SPOCK1: variants seen among roughly 807,000 people sequenced by gnomAD.
SPOCK1 encodes SPARC (osteonectin), cwcv and kazal like domains proteoglycan 1, also known as testican-1.
Under a neutral mutation model 55.3 loss-of-function variants are expected in SPOCK1, and 23 were observed. That is an observed-to-expected ratio of 0.42 (90% CI 0.30 to 0.59). The LOEUF (loss-of-function observed/expected upper bound fraction) is 0.59, where lower values mean the gene tolerates loss of function less well. Ranked by LOEUF, SPOCK1 falls within the 20% of genes least tolerant of loss-of-function variation. The pLI is 0.22. For synonymous variants in SPOCK1, 226 were observed against 221.0 expected, an observed-to-expected ratio of 1.02 and a Z score of -0.20; for missense variants, 499 against 552.5, an observed-to-expected ratio of 0.90 and a Z score of 0.97.
At chr5:137,403,431 CA>C (rs1428757167) in intron 2 of SPOCK1, among the ~76,000 whole-genome samples, 1 of 152,050 alleles carries the variant, frequency 6.6e-6, no homozygotes, top group East Asian at 1.9e-4. Context: ...GGTAAACAAA[CA>C]AACAAAAAAA....
At chr5:137,289,665 G>C (rs1032793641) in intron 2 of SPOCK1, among the ~76,000 whole-genome samples, 1 of 151,978 alleles carries the variant, frequency 6.6e-6, no homozygotes, top group African/African-American at 2.4e-5. Context: ...ATGCATACGG[G>C]AATGAGCATG....
At chr5:137,420,748 C>A (rs1209616874) in intron 2 of SPOCK1, among the ~76,000 whole-genome samples, 1 of 152,250 alleles carries the variant, frequency 6.6e-6, no homozygotes, top group African/African-American at 2.4e-5. Context: ...AAAAAACCAG[C>A]TCCTGGGTTC....
At chr5:137,409,940 A>G (rs533986728) in intron 2 of SPOCK1, among the ~76,000 whole-genome samples, 1 of 152,324 alleles carries the variant, frequency 6.6e-6, no homozygotes, top group South Asian at 2.1e-4. Context: ...CCTATGCTTC[A>G]GGCCAGGGCT....
chr5:137,317,464 A>G (rs1207396430), intron 2 of SPOCK1, among the ~76,000 whole-genome samples: 1 of 152,170 alleles, frequency 6.6e-6, no homozygotes, highest in African/African-American at 2.4e-5. Flanking sequence ...GCTTCAGCAG[A>G]TCAGGAATAG....
At chr5:137,495,993 T>C (rs1754291255) in intron 2 of SPOCK1, among the ~76,000 whole-genome samples, 1 of 152,184 alleles carries the variant, frequency 6.6e-6, no homozygotes, top group African/African-American at 2.4e-5. Context: ...AAATATATGC[T>C]GCTAAAAATA....
intron 5 of SPOCK1, among the ~76,000 whole-genome samples, chr5:137,107,013 T>C (rs904745360): frequency 3.3e-5 from 5 of 152,144 alleles, no homozygotes; most frequent in African/African-American, 9.7e-5. Flanking sequence ...GTTGACTCTT[T>C]CCAGCCTTAA....
intron 2 of SPOCK1, among the ~76,000 whole-genome samples, chr5:137,362,608 A>G (rs965564330): frequency 6.6e-5 from 10 of 152,046 alleles, no homozygotes; most frequent in African/African-American, 2.4e-4. Context: ...GATTATAGGC[A>G]TGAGCCACCG....
intron 2 of SPOCK1, among the ~76,000 whole-genome samples, chr5:137,398,004 G>A (rs549982036): frequency 6.6e-6 from 1 of 152,210 alleles, no homozygotes; most frequent in South Asian, 2.1e-4. Context: ...TGAACTACTA[G>A]GATGGCGATG....
chr5:137,195,909 T>C (rs753637671), intron 3 of SPOCK1, among the ~76,000 whole-genome samples: 1 of 152,182 alleles, frequency 6.6e-6, no homozygotes, highest in Non-Finnish European at 1.5e-5. Flanking sequence ...ACAAGTCTCT[T>C]AGAGCTACTG....
At chr5:137,437,174 A>T (rs1334321372) in intron 2 of SPOCK1, among the ~76,000 whole-genome samples, 1 of 152,068 alleles carries the variant, frequency 6.6e-6, no homozygotes, top group Non-Finnish European at 1.5e-5. Context: ...CTTTCCCGCC[A>T]CTCCTCATCC....
At chr5:137,481,882 C>G (rs934664566) in intron 2 of SPOCK1, among the ~76,000 whole-genome samples, 1 of 152,170 alleles carries the variant, frequency 6.6e-6, no homozygotes, top group Admixed American at 6.5e-5. Context: ...TAACTCAAGA[C>G]TGGAAAGGAG....
chr5:137,365,106 A>C (rs1751029241), intron 2 of SPOCK1: 1 of 152,494 alleles, frequency 6.6e-6, no homozygotes, highest in Middle Eastern at 3.4e-3. Context: ...TGTGGGATGC[A>C]TCTGCAGAAC....
intron 6 of SPOCK1, among the ~76,000 whole-genome samples, chr5:137,066,643 A>G (rs899096939): frequency 6.6e-6 from 1 of 152,208 alleles, no homozygotes; most frequent in African/African-American, 2.4e-5. Context: ...AACTTTTCTT[A>G]CTGCATTTAT....
At chr5:137,182,436 A>T (rs1754988434) in intron 3 of SPOCK1, among the ~76,000 whole-genome samples, 1 of 152,196 alleles carries the variant, frequency 6.6e-6, no homozygotes. Context: ...TGGTTATTCA[A>T]CAAATATTTG....
chr5:137,211,878 C>T (rs919343570), intron 3 of SPOCK1, among the ~76,000 whole-genome samples: 3 of 152,176 alleles, frequency 2.0e-5, no homozygotes, highest in Non-Finnish European at 2.9e-5. Flanking sequence ...CCGCCCCCTG[C>T]CACACACCTT....
intron 6 of SPOCK1, among the ~76,000 whole-genome samples, chr5:137,064,725 C>T (rs1752463873): frequency 6.6e-6 from 1 of 152,206 alleles, no homozygotes; most frequent in Non-Finnish European, 1.5e-5. Context: ...CTCAGGTCAG[C>T]CCTGTTGCCT....
intron 3 of SPOCK1, among the ~76,000 whole-genome samples, chr5:137,224,902 C>T (rs947585122): frequency 5.3e-5 from 8 of 152,174 alleles, no homozygotes; most frequent in African/African-American, 1.4e-4. Flanking sequence ...AGCACAGGCC[C>T]GGCCCAATTT....
At chr5:137,006,158 T>C (rs1311174841) in intron 6 of SPOCK1, among the ~76,000 whole-genome samples, 1 of 152,072 alleles carries the variant, frequency 6.6e-6, no homozygotes, top group Non-Finnish European at 1.5e-5. Flanking sequence ...AGCTTCGTTC[T>C]TTTTGCTTAG....
intron 6 of SPOCK1, among the ~76,000 whole-genome samples, chr5:137,046,373 T>C (rs974821370): frequency 8.0e-5 from 12 of 150,362 alleles, no homozygotes; most frequent in African/African-American, 2.7e-4. Context: ...CCCTTGTAAG[T>C]TGGATTCCTA....
Sources: allele counts gnomAD v4.1 joint callset (sites outside exome capture counted in the v4.1 genomes callset), GRCh38; gene constraint gnomAD v4.1.1; transcripts MANE v1.5; gene names NCBI Gene and HGNC (gene_info 2026-07-23, HGNC 2026-07-21).